The following CADM1 variants were observed in gnomAD, a reference collection of about 807,000 sequenced individuals.
CADM1 encodes TSLC-1.
In CADM1, 15 loss-of-function variants were observed where a neutral mutation model predicts 53.1. The observed-to-expected ratio is 0.28, with a 90% CI of 0.19 to 0.44. The LOEUF (loss-of-function observed/expected upper bound fraction) is 0.44. Among genes scored for constraint, CADM1 ranks in the 20% least tolerant of loss-of-function variants. The pLI is 1.00. For missense variants in CADM1, 434 were observed against 611.3 expected, an observed-to-expected ratio of 0.71 and a Z score of 3.06; for synonymous variants, 281 against 243.0, an observed-to-expected ratio of 1.16 and a Z score of -1.45.
At chr11:115,327,768 A>C (rs1324260199) in intron 1 of CADM1, among the ~76,000 whole-genome samples, 1 of 152,208 alleles carries the variant, frequency 6.6e-6, no homozygotes, top group African/African-American at 2.4e-5. Flanking sequence ...AGATTGTATT[A>C]GTACCTACTT....
intron 1 of CADM1, among the ~76,000 whole-genome samples, chr11:115,421,754 T>A (rs1232751498): frequency 6.6e-6 from 1 of 152,206 alleles, no homozygotes. Context: ...TTGTACATGT[T>A]TCTCTCAAGC....
At chr11:115,210,276 A>G (rs934248074) in intron 7 of CADM1, among the ~76,000 whole-genome samples, 2 of 152,234 alleles carry the variant, frequency 1.3e-5, no homozygotes, top group African/African-American at 4.8e-5. Context: ...AAGTCAATAA[A>G]TTTTACAACT....
chr11:115,256,950 G>T (rs1188473735), intron 1 of CADM1: 4 of 455,092 alleles, frequency 8.8e-6, no homozygotes, highest in East Asian at 1.4e-4. Context: ...TCTTAAAAAA[G>T]TCGTTAGGTT....
chr11:115,274,832 T>A (rs2135058738), intron 1 of CADM1, among the ~76,000 whole-genome samples: 1 of 152,324 alleles, frequency 6.6e-6, no homozygotes, highest in Non-Finnish European at 1.5e-5. Context: ...TCAGATCTTG[T>A]GTCTTCCCCC....
At chr11:115,307,325 TC>T (rs1001813529) in intron 1 of CADM1, among the ~76,000 whole-genome samples, 1 of 151,796 alleles carries the variant, frequency 6.6e-6, no homozygotes, top group African/African-American at 2.4e-5. Flanking sequence ...AGTTTAAATG[TC>T]CCAGGTATCC....
At chr11:115,183,102 T>C (rs1481703231) in intron 10 of CADM1, among the ~76,000 whole-genome samples, 3 of 152,154 alleles carry the variant, frequency 2.0e-5, no homozygotes, top group Non-Finnish European at 4.4e-5. Context: ...CCATTCCTCA[T>C]GGGCAATAAG....
intron 1 of CADM1, among the ~76,000 whole-genome samples, chr11:115,262,953 G>A (rs1489372165): frequency 1.3e-5 from 2 of 152,204 alleles, no homozygotes; most frequent in Non-Finnish European, 2.9e-5. Flanking sequence ...ACTAAGAGAT[G>A]AATGTTGGTA....
chr11:115,215,953 T>A (rs1200426752), intron 6 of CADM1, among the ~76,000 whole-genome samples: 2 of 152,216 alleles, frequency 1.3e-5, no homozygotes, highest in Non-Finnish European at 2.9e-5. Context: ...GATGTGAAGT[T>A]ACAATTTTTC....
chr11:115,353,495 T>C (rs1257876761), intron 1 of CADM1, among the ~76,000 whole-genome samples: 3 of 152,212 alleles, frequency 2.0e-5, no homozygotes, highest in Admixed American at 2.0e-4. Flanking sequence ...AAAGCTTTCT[T>C]TTGGTTCAGT....
intron 2 of CADM1, among the ~76,000 whole-genome samples, chr11:115,239,128 G>T (rs1591634004): frequency 6.6e-6 from 1 of 152,054 alleles, no homozygotes; most frequent in African/African-American, 2.4e-5. Context: ...CTCAAAAATT[G>T]TAAGTAAGGC....
chr11:115,253,571 A>G (rs1325167356), intron 1 of CADM1, among the ~76,000 whole-genome samples: 1 of 152,208 alleles, frequency 6.6e-6, no homozygotes, highest in Non-Finnish European at 1.5e-5. Context: ...AGATATTCTT[A>G]GGTAAAAATA....
chr11:115,417,478 C>G (rs1947629447), intron 1 of CADM1, among the ~76,000 whole-genome samples: 1 of 152,150 alleles, frequency 6.6e-6, no homozygotes, highest in Admixed American at 6.5e-5. Context: ...TAAGATAAAG[C>G]TTAACTTACA....
At chr11:115,251,663 G>A (rs1314120477) in intron 1 of CADM1, among the ~76,000 whole-genome samples, 1 of 152,124 alleles carries the variant, frequency 6.6e-6, no homozygotes, top group Non-Finnish European at 1.5e-5. Flanking sequence ...TGGAAAACTG[G>A]GGTCCATGAC....
chr11:115,408,560 A>T (rs1947375107), intron 1 of CADM1, among the ~76,000 whole-genome samples: 2 of 152,222 alleles, frequency 1.3e-5, no homozygotes, highest in Non-Finnish European at 2.9e-5. Context: ...TAGGAAGGAT[A>T]TGCCCCCATC....
At chr11:115,347,052 C>G (rs1945598251) in intron 1 of CADM1, among the ~76,000 whole-genome samples, 1 of 152,118 alleles carries the variant, frequency 6.6e-6, no homozygotes, top group African/African-American at 2.4e-5. Flanking sequence ...ACTCTCAATG[C>G]AACACCAGTA....
chr11:115,226,462 C>A (rs1941611536), intron 5 of CADM1, among the ~76,000 whole-genome samples: 1 of 152,060 alleles, frequency 6.6e-6, no homozygotes, highest in African/African-American at 2.4e-5. Flanking sequence ...GCCAATGATC[C>A]CCAAAAGGTT....
chr11:115,274,482 C>T (rs562574120), intron 1 of CADM1, among the ~76,000 whole-genome samples: 14 of 152,214 alleles, frequency 9.2e-5, no homozygotes, highest in Non-Finnish European at 1.9e-4. Context: ...ATTTCAGTTT[C>T]ATACAACTTG....
chr11:115,340,658 A>ATTTTT lies in CADM1; in HGVS notation c.125-100243_125-100239dup, dbSNP rs869273547. Among the ~76,000 whole-genome samples the ATTTTT allele has an allele frequency of 1.9e-3, 65 of 34,928 alleles. 1 individual carries two copies. Among genetic ancestry groups the ATTTTT allele is most frequent in the African/African-American group, 5.5e-3 (39 of 7,116 alleles). 22.9% of individuals were successfully genotyped at this position (34,928 alleles called of 152,430 possible). On this transcript the variant is annotated intron_variant, in intron 1 of 11. Coordinates refer to ENST00000331581, the MANE Select transcript of CADM1 (RefSeq NM_001301043.2). ...TATATATATATATATATATATATATATTTTTTTTTTTTTTTTTTTTGAGAC... is the reference window on the plus strand; with the variant it reads ...TATATATATATATATATATATATATATTTTTTTTTTTTTTTTTTTTTTTTTGAGAC...
intron 1 of CADM1, among the ~76,000 whole-genome samples, chr11:115,328,714 G>GTATATACA (rs1945042740): frequency 3.9e-5 from 2 of 51,194 alleles, no homozygotes; most frequent in African/African-American, 1.7e-4. Flanking sequence ...ATATATATAT[G>GTATATACA]TGTATATATA....
Sources: gnomAD v4.1 joint callset for allele counts (sites outside exome capture counted in the v4.1 genomes callset) on GRCh38, gnomAD v4.1.1 for gene constraint, MANE v1.5 for transcripts, NCBI Gene and HGNC (gene_info 2026-07-23, HGNC 2026-07-21) for gene names.